ANKRD28: variants seen among roughly 807,000 people sequenced by gnomAD.
The protein encoded by ANKRD28 is serine/threonine-protein phosphatase 6 regulatory ankyrin repeat subunit A.
Under a neutral mutation model 126.5 loss-of-function variants are expected in ANKRD28, and 44 were observed. The observed-to-expected ratio is 0.35, with a 90% CI of 0.27 to 0.45. The LOEUF (loss-of-function observed/expected upper bound fraction) is 0.45, where lower values mean the gene tolerates loss of function less well. Among genes scored for constraint, ANKRD28 ranks in the 20% least tolerant of loss-of-function variants. The pLI is 1.00. For missense variants in ANKRD28, 1,110 were observed against 1,316.6 expected (o/e 0.84, Z 2.43); for synonymous variants, 442 against 468.5 (o/e 0.94, Z 0.73).
chr3:15,682,794 G>T (rs1241098386), intron 21 of ANKRD28, among the ~76,000 whole-genome samples: 4 of 152,076 alleles, frequency 2.6e-5, no homozygotes, highest in Non-Finnish European at 5.9e-5. Context: ...CGGGCTTTTG[G>T]CTATAAATAT....
chr3:15,699,738 G>T (rs529410866), intron 14 of ANKRD28, among the ~76,000 whole-genome samples: 1 of 152,332 alleles, frequency 6.6e-6, no homozygotes, highest in South Asian at 2.1e-4. Context: ...GGAAACAACA[G>T]ATGCTGGAGA....
chr3:15,668,856 T>G lies in ANKRD28; in HGVS notation c.*1414A>C, dbSNP rs958651202. On this transcript the variant is annotated 3_prime_UTR_variant, in exon 28 of 28. Transcript: ENST00000683139. ...TTCCAGTTTCACAATACAAAAAGGATAAAATGAAATTGGGTATCATTTTGT... is the reference window on the plus strand; with the variant it reads ...TTCCAGTTTCACAATACAAAAAGGAGAAAATGAAATTGGGTATCATTTTGT... 8 of 152,762 alleles carry G rather than the reference T, an allele frequency of 5.2e-5. No individual in the cohort carries two copies. Among genetic ancestry groups the G allele is most frequent in the Admixed American group, 3.9e-4 (6 of 15,300 alleles). The allele number at this position is 152,762 out of a possible 1,614,324, so 9.5% of individuals were successfully genotyped here. A position where few individuals can be genotyped will look rare whatever the true frequency, so the allele number is the denominator to read the frequency against.
intron 16 of ANKRD28, 111 bp from the exon 17 acceptor site, chr3:15,694,924 CT>C: frequency 2.0e-6 from 2 of 994,398 alleles, no homozygotes; most frequent in Non-Finnish European, 3.1e-6. Context: ...ACTCAGCAAA[CT>C]TATAAAACAT....
chr3:15,832,168 G>C (rs560063873), intron 1 of ANKRD28, among the ~76,000 whole-genome samples: 1 of 152,306 alleles, frequency 6.6e-6, no homozygotes, highest in African/African-American at 2.4e-5. Context: ...AGACAAATAA[G>C]ATCACTTCAG....
At chr3:15,680,825 C>G (rs750951085) in intron 21 of ANKRD28, among the ~76,000 whole-genome samples, 11 of 152,038 alleles carry the variant, frequency 7.2e-5, no homozygotes, top group Non-Finnish European at 1.3e-4. Flanking sequence ...GGCTACCACA[C>G]CTGGCTAATT....
chr3:15,685,076 C>T (rs542526107), intron 21 of ANKRD28, 150 bp downstream of exon 21: 117 of 707,396 alleles, frequency 1.7e-4, no homozygotes, highest in Non-Finnish European at 2.3e-4. Flanking sequence ...AGTGAGCCTA[C>T]GTACTAAGTA....
At chr3:15,689,734 C>G in intron 18 of ANKRD28, 1 of 273,696 alleles carries the variant, frequency 3.7e-6, no homozygotes, top group Middle Eastern at 1.2e-3. Context: ...ATGTAAACAA[C>G]TTTATATGAA....
chr3:15,787,653 C>G (rs2059839504), intron 2 of ANKRD28, among the ~76,000 whole-genome samples: 1 of 152,144 alleles, frequency 6.6e-6, no homozygotes, highest in Admixed American at 6.6e-5. Context: ...TGCACACAGC[C>G]TCAAGTAATG....
At chr3:15,775,561 A>C (rs67727703) in intron 2 of ANKRD28, among the ~76,000 whole-genome samples, 20,953 of 152,166 alleles carry the variant, frequency 0.14, 2,178 homozygotes, top group East Asian at 0.58. Context: ...AACTGGCTAT[A>C]AATTGAGGTT....
chr3:15,694,388 T>C (rs1477408157), intron 17 of ANKRD28, among the ~76,000 whole-genome samples: 7 of 152,170 alleles, frequency 4.6e-5, no homozygotes, highest in South Asian at 2.1e-4. Context: ...TACCATCTGC[T>C]TAGCCAACTT....
intron 1 of ANKRD28, among the ~76,000 whole-genome samples, chr3:15,827,991 T>C (rs1333794740): frequency 3.9e-5 from 6 of 152,082 alleles, no homozygotes; most frequent in Non-Finnish European, 8.8e-5. Context: ...CACAAATCAT[T>C]AGGGATATGC....
At chr3:15,834,888 C>A (rs2061289101) in intron 1 of ANKRD28, among the ~76,000 whole-genome samples, 1 of 152,200 alleles carries the variant, frequency 6.6e-6, no homozygotes, top group Non-Finnish European at 1.5e-5. Flanking sequence ...TGATAATACC[C>A]AACCTTCCTT....
At chr3:15,731,876 G>GAAAA (rs1559425875) in intron 6 of ANKRD28, 167 of 64,846 alleles carry the variant, frequency 2.6e-3, no homozygotes, top group Non-Finnish European at 3.5e-3. Flanking sequence ...AAAAAAAAAG[G>GAAAA]GGGGGGGGGT....
At chr3:15,822,512 CA>C (rs1335611642) in intron 1 of ANKRD28, among the ~76,000 whole-genome samples, 2 of 152,282 alleles carry the variant, frequency 1.3e-5, no homozygotes, top group Admixed American at 1.3e-4. Context: ...CTACAATATT[CA>C]AAATATCCAA....
chr3:15,673,716 G>A (rs529877847), intron 27 of ANKRD28, among the ~76,000 whole-genome samples: 1 of 152,152 alleles, frequency 6.6e-6, no homozygotes, highest in South Asian at 2.1e-4. Flanking sequence ...TTAGTCATGG[G>A]ATGTTTGGGG....
At chr3:15,841,925 C>T (rs2061430397) in intron 1 of ANKRD28, among the ~76,000 whole-genome samples, 1 of 151,982 alleles carries the variant, frequency 6.6e-6, no homozygotes, top group African/African-American at 2.4e-5. Flanking sequence ...AGTAATCCAT[C>T]TGCTTGGTAT....
In ANKRD28 at chr3:15,796,730, C is replaced by T. The variant is rs192105463; in HGVS notation, c.-209G>A. On this transcript the variant is annotated 5_prime_UTR_variant, in exon 1 of 28. Transcript: ENST00000683139. ...ATAATTTGTAACTTCCTAAATATAACGAAATTCTATTATTTCTGTTGGATT... is the reference window on the plus strand; with the variant it reads ...ATAATTTGTAACTTCCTAAATATAATGAAATTCTATTATTTCTGTTGGATT... 3.4e-4 allele frequency: 336 copies of T among 984,778 alleles called. No homozygotes were observed. Among genetic ancestry groups the T allele is most frequent in the South Asian group, 3.5e-4 (8 of 22,802 alleles). 61.0% of individuals were successfully genotyped at this position (984,778 alleles called of 1,614,324 possible).
At chr3:15,708,499 T>TA (rs898579572) in intron 13 of ANKRD28, among the ~76,000 whole-genome samples, 1 of 151,684 alleles carries the variant, frequency 6.6e-6, no homozygotes, top group Admixed American at 6.6e-5. Context: ...GAAGAAACAT[T>TA]AAAAAAAATG....
intron 3 of ANKRD28, 85 bp from the exon 4 acceptor site, chr3:15,751,905 C>T: frequency 1.2e-6 from 1 of 867,422 alleles, no homozygotes; most frequent in Non-Finnish European, 1.7e-6. Flanking sequence ...TATATATAAT[C>T]CAAATTGGAT....
Sources: gnomAD v4.1 joint callset for allele counts (sites outside exome capture counted in the v4.1 genomes callset) on GRCh38, gnomAD v4.1.1 for gene constraint, MANE v1.5 for transcripts, NCBI Gene and HGNC (gene_info 2026-07-23, HGNC 2026-07-21) for gene names.